DDX23: variants seen among roughly 807,000 people sequenced by gnomAD.
DDX23 encodes the protein DEAD-box helicase 23.
Under a neutral mutation model 102.7 loss-of-function variants are expected in DDX23, and 33 were observed. The ratio of observed to expected loss-of-function variants is 0.32; its 90% CI spans 0.24 to 0.43. The LOEUF is 0.43. Among genes scored for constraint, DDX23 ranks in the 20% least tolerant of loss-of-function variants. The pLI is 1.00. For missense variants in DDX23, 549 were observed against 1,086.6 expected, an observed-to-expected ratio of 0.51 and a Z score of 6.96; for synonymous variants, 352 against 376.0, an observed-to-expected ratio of 0.94 and a Z score of 0.74.
At chr12:48,840,166 A>G (rs763620434) in intron 3 of DDX23, 60 bp from the exon 4 acceptor site, 52 of 1,340,624 alleles carry the variant, frequency 3.9e-5, no homozygotes, top group Non-Finnish European at 4.0e-5. Context: ...ATGAGGTTCA[A>G]GTTGAGCCCC....
intron 2 of DDX23, among the ~76,000 whole-genome samples, 173 bp from the exon 3 acceptor site, chr12:48,844,223 G>A (rs1219584469): frequency 6.6e-6 from 1 of 152,200 alleles, no homozygotes; most frequent in Non-Finnish European, 1.5e-5. Context: ...GATCAGAGAT[G>A]TACTGTTAAA....
At chr12:48,849,019 G>A (rs1355773069) in intron 1 of DDX23, among the ~76,000 whole-genome samples, 1 of 151,922 alleles carries the variant, frequency 6.6e-6, no homozygotes, top group Non-Finnish European at 1.5e-5. Context: ...CAAAGTGCTG[G>A]GATAACAAGC....
rs1938470431 is a variant in DDX23 at position 48,836,628 on chromosome 12, A to G, written c.1177T>C (p.Trp393Arg). Reference sequence around the variant, plus strand: ...TGTGGGGGCAGAGAAGAGTCTTTCCAGGATCGGATGGGATTGGGGATCTTG... The same window carrying G: ...TGTGGGGGCAGAGAAGAGTCTTTCCGGGATCGGATGGGATTGGGGATCTTG... ...GGKIPNPIRS[W>R]KDSSLPPHIL... is the part of the protein sequence containing the mutation. Residue 393 changes from tryptophan (W) to arginine (R), a missense_variant, in exon 10 of 17, where the codon TGG becomes CGG. This residue lies in a region of DDX23 where 270 missense variants were observed against 707.0 expected (regional missense o/e 0.38). Transcript: ENST00000308025. The surrounding 1 kb of genome is among the most constrained non-coding windows in gnomAD (Gnocchi z 6.1). 1 of 1,614,064 alleles carries G rather than the reference A, an allele frequency of 6.2e-7. No homozygotes were observed. Among genetic ancestry groups the G allele is most frequent in the Non-Finnish European group, 8.5e-7 (1 of 1,180,046 alleles).
In DDX23 at chr12:48,831,131, C is replaced by T; in HGVS notation, c.2239+11G>A. 6.2e-7 allele frequency: 1 copy of T among 1,613,988 alleles called. No homozygotes were observed. Among genetic ancestry groups the T allele is most frequent in the Non-Finnish European group, 8.5e-7 (1 of 1,179,844 alleles). ...TCACCCTGGATTGAAGCTGCTTTCC[C>T]TGGAACTTACCTTCAATATTTTTGG... On this transcript the variant is annotated intron_variant, in intron 16 of 16. Coordinates refer to ENST00000308025, the MANE Select transcript of DDX23 (RefSeq NM_004818.3).
chr12:48,849,240 TAGTACC>T (rs1426093403), intron 1 of DDX23, among the ~76,000 whole-genome samples: 19 of 152,190 alleles, frequency 1.2e-4, no homozygotes, highest in African/African-American at 4.6e-4. Flanking sequence ...CTCATGCCTG[TAGTACC>T]AGCACCTTGG....
At chr12:48,839,057 T>C (rs1938506967) in intron 5 of DDX23, among the ~76,000 whole-genome samples, 1 of 151,966 alleles carries the variant, frequency 6.6e-6, no homozygotes. Context: ...TAAAATTTTA[T>C]AGAGATGGGT....
intron 15 of DDX23, chr12:48,831,868 G>T: frequency 3.4e-6 from 2 of 581,546 alleles, no homozygotes; most frequent in Non-Finnish European, 6.1e-6. Context: ...AGGCAGCTTT[G>T]GCTGGCATTA....
rs757833729 is a variant in DDX23, at chr12:48,845,630, A to G, written c.153T>C (p.Asp51=). The G allele has an allele frequency of 6.2e-7, 1 of 1,614,222 alleles. No homozygotes were observed. The highest frequency in any genetic ancestry group is 2.2e-5 in the East Asian group (1 of 44,890). The change falls in exon 2 of 17, where the codon GAT becomes GAC. Residue 51 remains aspartate, a synonymous_variant. Transcript: ENST00000308025. ...SKDRKRHRSR[D]RRRGGSRSRS... The stretch of plus-strand genomic sequence containing the variant: ...GAGAACGGCTGCCTCCTCGACGTCT[A>G]TCCCTTGAACGATGCCGCTTTCTAT...
At chr12:48,833,651 G>C in intron 12 of DDX23, 132 bp from the exon 13 acceptor site, 1 of 1,139,292 alleles carries the variant, frequency 8.8e-7, no homozygotes, top group South Asian at 1.5e-5. Flanking sequence ...GTTATGTTTA[G>C]CAGTAAAGGC....
chr12:48,832,432 A>G lies in DDX23; in HGVS notation c.1945T>C (p.Ser649Pro), dbSNP rs1476282759. The G allele has an allele frequency of 4.3e-6, 7 of 1,613,062 alleles. No individual in the cohort carries two copies. The South Asian group carries it at 7.7e-5, about 18-fold the overall frequency. Residue 649 changes from serine to proline, a missense_variant, in exon 14 of 17, where the codon TCA (serine) becomes CCA (proline). Coordinates refer to ENST00000308025, the MANE Select transcript of DDX23 (RefSeq NM_004818.3). This position sits in a 1 kb window ranked among gnomAD's most constrained non-coding sequence, Gnocchi z 4.4. ...VEQKVFLMSE[S>P]EKRKKLLAIL... is the part of the protein sequence containing the mutation. ...CAGCTGCCCTCATACCTCTTTTCTGACTCTGACATGAGGAAGACCTTCTGT... is the reference window on the plus strand; with the variant it reads ...CAGCTGCCCTCATACCTCTTTTCTGGCTCTGACATGAGGAAGACCTTCTGT...
chr12:48,831,391 A>T, intron 15 of DDX23, 75 bp from the exon 16 acceptor site: 1 of 1,438,038 alleles, frequency 7.0e-7, no homozygotes, highest in South Asian at 1.1e-5. Context: ...GGAATGGGAC[A>T]CAGATGAAGG....
At chr12:48,831,716 T>C (rs1938390474) in intron 15 of DDX23, 1 of 429,118 alleles carries the variant, frequency 2.3e-6, no homozygotes, top group Non-Finnish European at 4.2e-6. Context: ...TAAAGGACAC[T>C]GATTATCAGC....
Position 48,832,918 on chromosome 12 carries a change from G to T in DDX23, c.1804-345C>A, listed in dbSNP as rs1938412431. 2.3e-6 allele frequency: 1 copy of T among 443,540 alleles called. No individual in the cohort carries two copies. Among genetic ancestry groups the T allele is most frequent in the African/African-American group, 2.0e-5 (1 of 50,806 alleles). 27.5% of individuals were successfully genotyped at this position (443,540 alleles called of 1,614,324 possible). On this transcript the variant is annotated intron_variant, in intron 13 of 16. Coordinates refer to ENST00000308025, the MANE Select transcript of DDX23 (RefSeq NM_004818.3). This position sits in a 1 kb window ranked among gnomAD's most constrained non-coding sequence, Gnocchi z 4.4. ...CTGTACCTAGGCACACTTCATTCTA[G>T]AAACATGTACTCTGAGCCCACCTAA...
In DDX23 at chr12:48,836,625, T is replaced by C. The variant is rs1938470379; in HGVS notation, c.1180A>G (p.Lys394Glu). 1.9e-6 allele frequency: 3 copies of C among 1,614,026 alleles called. No homozygotes were observed. The highest frequency in any genetic ancestry group is 1.7e-5 in the Admixed American group (1 of 59,998). ...GKIPNPIRSW[K>E]DSSLPPHILE... ...ATGTGTGGGGGCAGAGAAGAGTCTT[T>C]CCAGGATCGGATGGGATTGGGGATC... The change falls in exon 10 of 17, where the codon AAA becomes GAA. Residue 394 changes from lysine to glutamate, a missense_variant. This residue lies in a region of DDX23 where 270 missense variants were observed against 707.0 expected (regional missense o/e 0.38). Transcript: ENST00000308025. This position sits in a 1 kb window ranked among gnomAD's most constrained non-coding sequence, Gnocchi z 6.1.
intron 12 of DDX23, among the ~76,000 whole-genome samples, chr12:48,833,726 GT>G (rs1383193633): frequency 2.0e-5 from 3 of 152,022 alleles, no homozygotes; most frequent in Admixed American, 2.0e-4. Flanking sequence ...AGGTCTCTGA[GT>G]AAGGTGCAAG....
chr12:48,837,764 G>T, intron 6 of DDX23, 107 bp from the exon 7 acceptor site: 3 of 1,547,640 alleles, frequency 1.9e-6, no homozygotes, highest in Non-Finnish European at 2.6e-6. Flanking sequence ...AAAAGGGGTA[G>T]ACTTATGATA....
rs1938363006 is a variant in DDX23 at position 48,830,235 on chromosome 12, C to T, written c.*234G>A. The T allele has an allele frequency of 3.1e-6, 2 of 652,400 alleles. No individual in the cohort carries two copies. Among genetic ancestry groups the T allele is most frequent in the East Asian group, 3.1e-5 (1 of 32,462 alleles). The allele number at this position is 652,400 out of a possible 1,614,324, so 40.4% of individuals were successfully genotyped here. On this transcript the variant is annotated 3_prime_UTR_variant, in exon 17 of 17. Transcript: ENST00000308025. This position sits in a 1 kb window ranked among gnomAD's most constrained non-coding sequence, Gnocchi z 4.9. ...AATCCCAAAGCAAAGAAGGGCAGAA[C>T]TGGGCCAAGAAGCTGTGGTAATTTG...
chr12:48,838,786 G>A (rs1246134708), intron 5 of DDX23, among the ~76,000 whole-genome samples: 1 of 152,058 alleles, frequency 6.6e-6, no homozygotes, highest in East Asian at 1.9e-4. Flanking sequence ...CTGGGAGGCA[G>A]AGGTTGCAGT....
intron 1 of DDX23, among the ~76,000 whole-genome samples, chr12:48,851,098 A>T (rs945837115): frequency 6.6e-6 from 1 of 152,188 alleles, no homozygotes; most frequent in Non-Finnish European, 1.5e-5. Context: ...TTTAACAAGC[A>T]TCTACTGTAC....
Sources: gnomAD v4.1 joint callset for allele counts (sites outside exome capture counted in the v4.1 genomes callset) on GRCh38, gnomAD v4.1.1 for gene constraint, gnomAD v4.1.1 regional missense constraint, Gnocchi (gnomAD v3.1) non-coding constraint, MANE v1.5 for transcripts, NCBI Gene and HGNC (gene_info 2026-07-23, HGNC 2026-07-21) for gene names.